AFF1: variants seen among roughly 807,000 people sequenced by gnomAD.
The protein encoded by AFF1 is AF4/FMR2 family member 1.
A neutral mutation model predicts 121.7 loss-of-function variants in AFF1; 48 were observed. The observed-to-expected ratio is 0.39, with a 90% CI of 0.31 to 0.50. AFF1 has a LOEUF of 0.50. Among genes scored for constraint, AFF1 ranks in the 20% least tolerant of loss-of-function variants. The pLI is 0.76. For synonymous variants in AFF1, 613 were observed against 563.0 expected, an observed-to-expected ratio of 1.09 and a Z score of -1.26; for missense variants, 1,523 against 1,511.7, an observed-to-expected ratio of 1.01 and a Z score of -0.12.
rs68156863 is a variant in AFF1, at chr4:87,012,217, C to CTTTTTTTTTTTTTTTTTTTTTTTTTTT, written c.39-33947_39-33946insTTTTTTTTTTTTTTTTTTTTTTTTTTT. 2.6e-5 allele frequency among the ~76,000 whole-genome samples: 3 copies of CTTTTTTTTTTTTTTTTTTTTTTTTTTT among 115,100 alleles called. 1 individual carries two copies. Among genetic ancestry groups the CTTTTTTTTTTTTTTTTTTTTTTTTTTT allele is most frequent in the Non-Finnish European group, 1.8e-5 (1 of 54,242 alleles). The allele number at this position is 115,100 out of a possible 152,430, so 75.5% of individuals were successfully genotyped here. On this transcript the variant is annotated intron_variant, in intron 2 of 20. Coordinates refer to ENST00000395146, the MANE Select transcript of AFF1 (RefSeq NM_001166693.3). ...GTTAGCAAACTTCTCCATTTCATTTCTTGTTTTTTTTTTTTTTTGTATAAC... is the reference window on the plus strand; with the variant it reads ...GTTAGCAAACTTCTCCATTTCATTTCTTTTTTTTTTTTTTTTTTTTTTTTTTTTTGTTTTTTTTTTTTTTTGTATAAC...
rs1280147003 is a variant in AFF1 at position 87,046,243 on chromosome 4, A to G, written c.116A>G (p.Glu39Gly). Residue 39 changes from glutamate to glycine, a missense_variant, in exon 3 of 21, where the codon GAG becomes GGG. Glu to Gly is a moderately conservative substitution (Grantham distance 98). This residue lies in a region of AFF1 where 369 missense variants were observed against 367.2 expected (regional missense o/e 1.00). Coordinates refer to ENST00000395146, the MANE Select transcript of AFF1 (RefSeq NM_001166693.3). ...AACCAGGAAGCCCACCAAGAGAAAG[A>G]GGCATTTCCTGAAAAGATTCCCCTT... ...RRNQEAHQEK[E>G]AFPEKIPLFG... is the part of the protein sequence containing the mutation. 1 of 1,613,926 alleles carries G rather than the reference A, an allele frequency of 6.2e-7. No homozygotes were observed. Among genetic ancestry groups the G allele is most frequent in the Non-Finnish European group, 8.5e-7 (1 of 1,179,960 alleles).
intron 4 of AFF1, among the ~76,000 whole-genome samples, chr4:87,071,590 G>T (rs943893426): frequency 4.6e-5 from 7 of 152,102 alleles, no homozygotes; most frequent in African/African-American, 1.7e-4. Context: ...CAGTGCGGTG[G>T]CTCCAGGATT....
chr4:87,003,937 G>A (rs188688387), intron 2 of AFF1, among the ~76,000 whole-genome samples: 110 of 152,306 alleles, frequency 7.2e-4, no homozygotes, highest in Non-Finnish European at 1.3e-3. Context: ...ATGATTCAAG[G>A]ATTATAAATC....
At chr4:86,939,159 A>G (rs1720275132) in intron 1 of AFF1, among the ~76,000 whole-genome samples, 1 of 152,208 alleles carries the variant, frequency 6.6e-6, no homozygotes, top group African/African-American at 2.4e-5. Flanking sequence ...TGGAACTTAT[A>G]TTGGCACTTC....
At chr4:87,003,851 C>T (rs1725900883) in intron 2 of AFF1, among the ~76,000 whole-genome samples, 1 of 152,072 alleles carries the variant, frequency 6.6e-6, no homozygotes, top group Non-Finnish European at 1.5e-5. Flanking sequence ...AGAAAATATG[C>T]GTACAAAGGT....
intron 4 of AFF1, among the ~76,000 whole-genome samples, chr4:87,079,421 T>C (rs537565132): frequency 1.3e-5 from 2 of 152,378 alleles, no homozygotes; most frequent in African/African-American, 4.8e-5. Flanking sequence ...CCAGCATTGC[T>C]GCCTTTTCTG....
chr4:87,007,525 C>G, intron 2 of AFF1: 1 of 1,491,314 alleles, frequency 6.7e-7, no homozygotes, highest in Non-Finnish European at 9.3e-7. Flanking sequence ...GGACAGGAAG[C>G]AGCTTTGTCA....
chr4:86,941,924 G>A (rs1181610370), intron 1 of AFF1, among the ~76,000 whole-genome samples: 1 of 150,862 alleles, frequency 6.6e-6, no homozygotes, highest in African/African-American at 2.4e-5. Context: ...AATTGTCTCC[G>A]AACACCTTTC....
chr4:87,105,356 T>C (rs1356045787), intron 8 of AFF1, among the ~76,000 whole-genome samples: 1 of 152,226 alleles, frequency 6.6e-6, no homozygotes, highest in Non-Finnish European at 1.5e-5. Flanking sequence ...TTCAGTGTTG[T>C]AGCATGTGAA....
intron 2 of AFF1, among the ~76,000 whole-genome samples, chr4:86,982,163 G>T (rs1723800619): frequency 6.6e-6 from 1 of 152,344 alleles, no homozygotes; most frequent in South Asian, 2.1e-4. Context: ...GTGAGGAAAA[G>T]GATGAAGATG....
In AFF1 at chr4:87,135,918, A is replaced by G; in HGVS notation, c.*217A>G. On this transcript the variant is annotated 3_prime_UTR_variant, in exon 21 of 21. Transcript: ENST00000395146. Reference sequence around the variant, plus strand: ...GCAGAGATGAGGAGGCTGGCCCCAGAGATGATCTTGCCCTTCCTAACTAAA... The same window carrying G: ...GCAGAGATGAGGAGGCTGGCCCCAGGGATGATCTTGCCCTTCCTAACTAAA... 1.5e-6 allele frequency: 1 copy of G among 670,588 alleles called. No individual in the cohort carries two copies. The highest frequency in any genetic ancestry group is 2.2e-6 in the Non-Finnish European group (1 of 457,436). 41.5% of individuals were successfully genotyped at this position (670,588 alleles called of 1,614,324 possible).
intron 4 of AFF1, among the ~76,000 whole-genome samples, chr4:87,056,967 G>A (rs1451644038): frequency 1.3e-5 from 2 of 152,236 alleles, no homozygotes; most frequent in Non-Finnish European, 1.5e-5. Context: ...GGTTGTCCAA[G>A]CTTCTGGAGG....
At chr4:87,128,202 A>C (rs1728482280) in intron 16 of AFF1, among the ~76,000 whole-genome samples, 1 of 152,236 alleles carries the variant, frequency 6.6e-6, no homozygotes, top group Admixed American at 6.5e-5. Flanking sequence ...TCAGAGGCTG[A>C]CCTGAAGGAA....
intron 11 of AFF1, among the ~76,000 whole-genome samples, chr4:87,110,140 A>G (rs1316511676): frequency 6.6e-6 from 1 of 151,964 alleles, no homozygotes; most frequent in African/African-American, 2.4e-5. Flanking sequence ...TAAATTATGG[A>G]ATTTTCACTC....
intron 19 of AFF1, among the ~76,000 whole-genome samples, chr4:87,132,735 G>A (rs1258653006): frequency 6.6e-6 from 1 of 152,164 alleles, no homozygotes; most frequent in Non-Finnish European, 1.5e-5. Flanking sequence ...CTGTCTCCCA[G>A]GCTGGAATGC....
chr4:87,087,007 G>A (rs537830193), intron 5 of AFF1, among the ~76,000 whole-genome samples: 1 of 152,124 alleles, frequency 6.6e-6, no homozygotes, highest in Non-Finnish European at 1.5e-5. Flanking sequence ...TAGTTTTCAG[G>A]GAATGGTCAT....
intron 1 of AFF1, among the ~76,000 whole-genome samples, chr4:86,946,398 C>T (rs545540804): frequency 1.3e-5 from 2 of 152,148 alleles, no homozygotes; most frequent in South Asian, 4.1e-4. Context: ...TGCTGTGTTA[C>T]CCAGGCTGGA....
intron 2 of AFF1, among the ~76,000 whole-genome samples, chr4:86,991,621 A>G (rs948442870): frequency 7.9e-5 from 12 of 152,034 alleles, no homozygotes; most frequent in African/African-American, 2.4e-4. Flanking sequence ...TGTGGCTACT[A>G]CCCTTAAGAC....
intron 2 of AFF1, among the ~76,000 whole-genome samples, chr4:86,986,319 G>T (rs1394927757): frequency 6.6e-6 from 1 of 152,044 alleles, no homozygotes; most frequent in African/African-American, 2.4e-5. Flanking sequence ...TGATCCACCC[G>T]CCTTGGCCTC....
Sources: allele counts gnomAD v4.1 joint callset (sites outside exome capture counted in the v4.1 genomes callset), GRCh38; gene constraint gnomAD v4.1.1; regional missense constraint gnomAD v4.1.1; transcripts MANE v1.5; gene names NCBI Gene and HGNC (gene_info 2026-07-23, HGNC 2026-07-21).